SCHIP1: variants seen among roughly 807,000 people sequenced by gnomAD.
The protein encoded by SCHIP1 is schwannomin-interacting protein 1.
In SCHIP1, 8 loss-of-function variants were observed where a neutral mutation model predicts 29.7. That is an observed-to-expected ratio of 0.27 (90% CI 0.16 to 0.49). The LOEUF (loss-of-function observed/expected upper bound fraction) is 0.49. Among genes scored for constraint, SCHIP1 ranks in the 20% least tolerant of loss-of-function variants. The pLI, the probability that SCHIP1 is intolerant of heterozygous loss-of-function variation, is 0.99. For missense variants in SCHIP1, 193 were observed against 294.6 expected (o/e 0.66, Z 2.52); for synonymous variants, 76 against 94.9 (o/e 0.80, Z 1.16).
chr3:159,738,609 T>C, the SCHIP1 span, among the ~76,000 whole-genome samples: 2 of 152,240 alleles, frequency 1.3e-5, no homozygotes, highest in Non-Finnish European at 2.9e-5. Flanking sequence ...ATGGCATCTA[T>C]TTTATTTGAT....
chr3:159,662,613 T>TG, the SCHIP1 span, among the ~76,000 whole-genome samples: 6 of 152,114 alleles, frequency 3.9e-5, no homozygotes, highest in South Asian at 1.0e-3. Flanking sequence ...AAAACTTTCT[T>TG]GGGGGGAAAG....
chr3:159,434,618 C>T, the SCHIP1 span, among the ~76,000 whole-genome samples: 1 of 152,104 alleles, frequency 6.6e-6, no homozygotes, highest in Non-Finnish European at 1.5e-5. Context: ...TTTCCATGTG[C>T]CTGTCTCCTT....
At chr3:159,517,439 T>C in the SCHIP1 span, among the ~76,000 whole-genome samples, 1 of 152,266 alleles carries the variant, frequency 6.6e-6, no homozygotes, top group East Asian at 1.9e-4. Flanking sequence ...AATAAGGTGA[T>C]ATTTGGATCA....
the SCHIP1 span, among the ~76,000 whole-genome samples, chr3:159,596,326 T>C: frequency 6.6e-6 from 1 of 152,064 alleles, no homozygotes; most frequent in Non-Finnish European, 1.5e-5. Context: ...TGTGGAGAAA[T>C]AGGAACACTT....
At chr3:159,353,789 A>G in the SCHIP1 span, among the ~76,000 whole-genome samples, 2 of 152,200 alleles carry the variant, frequency 1.3e-5, no homozygotes, top group African/African-American at 4.8e-5. Context: ...TTCAACCAAG[A>G]TGTATTTATT....
the SCHIP1 span, among the ~76,000 whole-genome samples, chr3:159,494,343 T>A: frequency 9.2e-5 from 14 of 151,704 alleles, no homozygotes; most frequent in East Asian, 1.9e-4. Context: ...TCAACAAAAT[T>A]GATAGACCGC....
chr3:159,652,103 CA>C, the SCHIP1 span, among the ~76,000 whole-genome samples: 177 of 137,456 alleles, frequency 1.3e-3, no homozygotes, highest in African/African-American at 1.8e-3. Context: ...GACTCCATCT[CA>C]AAAAAAAAAA....
the SCHIP1 span, among the ~76,000 whole-genome samples, chr3:159,670,252 CAAG>C: frequency 6.6e-6 from 1 of 152,092 alleles, no homozygotes; most frequent in Non-Finnish European, 1.5e-5. Flanking sequence ...ACAAACCCAT[CAAG>C]AAGAAATATT....
chr3:159,790,467 T>A, the SCHIP1 span, among the ~76,000 whole-genome samples: 3 of 152,138 alleles, frequency 2.0e-5, no homozygotes, highest in African/African-American at 7.2e-5. Flanking sequence ...GGCGGATCAC[T>A]TGAGGTCAGG....
chr3:159,466,779 C>T, the SCHIP1 span, among the ~76,000 whole-genome samples: 1 of 152,112 alleles, frequency 6.6e-6, no homozygotes, highest in Non-Finnish European at 1.5e-5. Flanking sequence ...AGCATTACAA[C>T]TGCCAATAAA....
At chr3:159,371,849 T>C in the SCHIP1 span, among the ~76,000 whole-genome samples, 2 of 152,206 alleles carry the variant, frequency 1.3e-5, no homozygotes, top group South Asian at 4.1e-4. Context: ...ACATGTTCCA[T>C]ACAGATGCAA....
chr3:159,470,949 G>C, the SCHIP1 span, among the ~76,000 whole-genome samples: 97 of 152,164 alleles, frequency 6.4e-4, no homozygotes, highest in African/African-American at 2.2e-3. Context: ...AAAGGTAGAG[G>C]GGGAGAAAAT....
the SCHIP1 span, among the ~76,000 whole-genome samples, chr3:159,525,138 T>G: frequency 6.6e-6 from 1 of 152,234 alleles, no homozygotes; most frequent in South Asian, 2.1e-4. Context: ...AATGTCACAT[T>G]ATTAGTGAAA....
At chr3:159,712,555 A>G in the SCHIP1 span, among the ~76,000 whole-genome samples, 1 of 148,556 alleles carries the variant, frequency 6.7e-6, no homozygotes, top group Non-Finnish European at 1.5e-5. Context: ...TGTCACTACA[A>G]AAAAAAAAAT....
chr3:159,602,453 G>A, the SCHIP1 span, among the ~76,000 whole-genome samples: 3 of 152,266 alleles, frequency 2.0e-5, no homozygotes, highest in South Asian at 6.2e-4. Context: ...GCTCATACTT[G>A]TAATCCCAGC....
At chr3:159,756,271 GT>G in the SCHIP1 span, among the ~76,000 whole-genome samples, 1 of 152,320 alleles carries the variant, frequency 6.6e-6, no homozygotes, top group African/African-American at 2.4e-5. Flanking sequence ...CTAGGTGGAG[GT>G]TCCCAAACCC....
At chr3:159,315,871 T>G in the SCHIP1 span, among the ~76,000 whole-genome samples, 1 of 143,510 alleles carries the variant, frequency 7.0e-6, no homozygotes, top group Non-Finnish European at 1.5e-5. Context: ...AGGAGAGACA[T>G]AAAAAGGCAC....
the SCHIP1 span, among the ~76,000 whole-genome samples, chr3:159,717,144 C>T: frequency 6.6e-6 from 1 of 152,122 alleles, no homozygotes; most frequent in African/African-American, 2.4e-5. Flanking sequence ...GGGTACATAA[C>T]AAAATGAAGG....
chr3:159,667,796 T>C, the SCHIP1 span, among the ~76,000 whole-genome samples: 1 of 152,344 alleles, frequency 6.6e-6, no homozygotes, highest in East Asian at 1.9e-4. Flanking sequence ...GAGAAATATA[T>C]TCTACATCAC....
Sources: allele counts gnomAD v4.1 joint callset (sites outside exome capture counted in the v4.1 genomes callset), GRCh38; gene constraint gnomAD v4.1.1; transcripts MANE v1.5; gene names NCBI Gene and HGNC (gene_info 2026-07-23, HGNC 2026-07-21).